ANP32E: variants seen among roughly 807,000 people sequenced by gnomAD.
ANP32E encodes acidic leucine-rich nuclear phosphoprotein 32 family member E.
ANP32E carries 14 observed loss-of-function variants against 35.3 expected under a neutral mutation model. The observed-to-expected ratio is 0.40, with a 90% confidence interval of 0.26 to 0.62. The LOEUF is 0.62. Ranked by LOEUF, ANP32E falls within the 20% of genes least tolerant of loss-of-function variation. ANP32E has a pLI of 0.45. For missense variants in ANP32E, 198 were observed against 304.4 expected (o/e 0.65, Z 2.60); for synonymous variants, 89 against 110.4 (o/e 0.81, Z 1.22).
chr1:150,226,877 A>G (rs1553840257), intron 4 of ANP32E, 82 bp from the exon 5 acceptor site: 7 of 1,491,726 alleles, frequency 4.7e-6, no homozygotes, highest in Non-Finnish European at 6.2e-6. Flanking sequence ...CCCTTGCCCA[A>G]TCACTTCAAA....
intron 1 of ANP32E, among the ~76,000 whole-genome samples, 154 bp from the exon 2 acceptor site, chr1:150,232,080 C>T (rs1442342098): frequency 6.6e-6 from 1 of 152,138 alleles, no homozygotes; most frequent in Non-Finnish European, 1.5e-5. Flanking sequence ...CGCGGTGGCT[C>T]ACGCCTGTAA....
Position 150,223,314 on chromosome 1 carries a change from A to C in ANP32E, c.682-74T>G, listed in dbSNP as rs1553838690. The C allele has an allele frequency of 3.4e-6, 5 of 1,482,816 alleles. No homozygotes were observed. In the Admixed American group the frequency reaches 1.0e-4, roughly 31 times the overall value. The allele number at this position is 1,482,816 out of a possible 1,614,324, so 91.9% of individuals were successfully genotyped here. ...TTCACTCTTTCTTGTAATATATTCC[A>C]ACAAGAGCAAAGAAACTATGGTTAT... On this transcript the variant is annotated intron_variant, in intron 5 of 6. Coordinates refer to ENST00000583931, the MANE Select transcript of ANP32E (RefSeq NM_030920.5).
chr1:150,227,505 C>A (rs1017117843), intron 4 of ANP32E, among the ~76,000 whole-genome samples: 8 of 151,886 alleles, frequency 5.3e-5, no homozygotes, highest in Non-Finnish European at 7.4e-5. Context: ...AAACAAAAAA[C>A]CAAATACTGC....
intron 1 of ANP32E, 65 bp from the exon 2 acceptor site, chr1:150,231,991 G>C: frequency 6.8e-7 from 1 of 1,463,256 alleles, no homozygotes; most frequent in Non-Finnish European, 9.3e-7. Flanking sequence ...AGAGACCTGG[G>C]TCTTGACACT....
At chr1:150,223,695 A>T (rs1424522408) in intron 5 of ANP32E, among the ~76,000 whole-genome samples, 1 of 145,678 alleles carries the variant, frequency 6.9e-6, no homozygotes, top group East Asian at 2.0e-4. Context: ...AAAAAAAAAA[A>T]AAAAAACCTA....
Position 150,235,975 on chromosome 1 carries a change from C to T in ANP32E, c.-189G>A. On this transcript the variant is annotated 5_prime_UTR_variant, in exon 1 of 7. Coordinates refer to ENST00000583931, the MANE Select transcript of ANP32E (RefSeq NM_030920.5). This position sits in a 1 kb window ranked among gnomAD's most constrained non-coding sequence, Gnocchi z 4.2. ...AGCAAATGGAGTCCAAGAGTTGGGA[C>T]TCTAACTCAGCTGCCCCCACCTCCT... 1 of 592,250 alleles carries T rather than the reference C, an allele frequency of 1.7e-6. No homozygotes were observed. The allele number at this position is 592,250 out of a possible 1,614,324, so 36.7% of individuals were successfully genotyped here.
At position 150,220,681 on chromosome 1, in the gene ANP32E, T is replaced by G. The variant is rs1452815761; in HGVS notation, c.*10A>C. The G allele has an allele frequency of 1.9e-6, 3 of 1,613,476 alleles. No homozygotes were observed. The highest frequency in any genetic ancestry group is 2.7e-5 in the African/African-American group (2 of 75,050). ...CCCAGAAACATTAGAGAATCTGGTC[T>G]TAGAATGATCTAGTCATCTTCTTCC... On this transcript the variant is annotated 3_prime_UTR_variant, in exon 7 of 7. Transcript: ENST00000583931.
At position 150,220,568 on chromosome 1, in the gene ANP32E, C is replaced by A; in HGVS notation, c.*123G>T. ...TGATAAGGCAAAAATAGTAAAACCACACTTTTCCTATAAAAAGTTACACAT... is the reference window on the plus strand; with the variant it reads ...TGATAAGGCAAAAATAGTAAAACCAAACTTTTCCTATAAAAAGTTACACAT... On this transcript the variant is annotated 3_prime_UTR_variant, in exon 7 of 7. Coordinates refer to ENST00000583931, the MANE Select transcript of ANP32E (RefSeq NM_030920.5). The A allele has an allele frequency of 1.1e-6, 1 of 909,788 alleles. No individual in the cohort carries two copies. The highest frequency in any genetic ancestry group is 2.2e-5 in the Admixed American group (1 of 45,236). The allele number at this position is 909,788 out of a possible 1,614,324, so 56.4% of individuals were successfully genotyped here.
rs782272035 is a variant in ANP32E at position 150,235,605 on chromosome 1, C to T, written c.54+128G>A. 1.8e-4 allele frequency: 176 copies of T among 993,470 alleles called. No individual in the cohort carries two copies. The highest frequency in any genetic ancestry group is 2.5e-4 in the Non-Finnish European group (165 of 670,210). 61.5% of individuals were successfully genotyped at this position (993,470 alleles called of 1,614,324 possible). ...TAAAACTTAAAATTAAACATTTCCC[C>T]AACCCTAACCCGGGGGGATGGGGGC... On this transcript the variant is annotated intron_variant, in intron 1 of 6. Transcript: ENST00000583931. This position sits in a 1 kb window ranked among gnomAD's most constrained non-coding sequence, Gnocchi z 4.2.
chr1:150,231,912 GACTA>G lies in ANP32E; in HGVS notation c.65_68del (p.Leu22SerfsTer15). ...CATTGACACACAGGCAATTATCAAG[GACTA>G]ACTCTGTCACCTGTAAGAGGGAAAA... is the stretch of plus-strand genomic sequence containing the variant. On this transcript the variant is annotated frameshift_variant, in exon 2 of 7. Transcript: ENST00000583931. LOFTEE classifies it high-confidence loss of function. The G allele has an allele frequency of 6.2e-7, 1 of 1,610,612 alleles. No homozygotes were observed. Among genetic ancestry groups the G allele is most frequent in the Non-Finnish European group, 8.5e-7 (1 of 1,179,216 alleles).
chr1:150,220,443 T>C lies in ANP32E; in HGVS notation c.*248A>G, dbSNP rs1220902496. 3 of 392,876 alleles carry C rather than the reference T, an allele frequency of 7.6e-6. No individual in the cohort carries two copies. The highest frequency in any genetic ancestry group is 1.4e-5 in the Non-Finnish European group (3 of 215,572). The allele number at this position is 392,876 out of a possible 1,614,324, so 24.3% of individuals were successfully genotyped here. On this transcript the variant is annotated 3_prime_UTR_variant, in exon 7 of 7. Coordinates refer to ENST00000583931, the MANE Select transcript of ANP32E (RefSeq NM_030920.5). ...ATACAGTAAGCTTGAATTTAAAAAA[T>C]TAAGTCTAAATAAATTGCTAGGGAA...
chr1:150,227,464 G>A (rs1648964093), intron 4 of ANP32E, among the ~76,000 whole-genome samples: 1 of 152,036 alleles, frequency 6.6e-6, no homozygotes, highest in Non-Finnish European at 1.5e-5. Context: ...AGATGCAGCT[G>A]GGGACCATCA....
At chr1:150,221,628 A>AGGAAGGAAGGAAGGAAGGAAGG (rs1572006000) in intron 6 of ANP32E, among the ~76,000 whole-genome samples, 15 of 150,022 alleles carry the variant, frequency 1.0e-4, no homozygotes, top group East Asian at 4.0e-4. Context: ...GAAGGAAGGA[A>AGGAAGGAAGGAAGGAAGGAAGG]ATTATACTTC....
At chr1:150,223,401 C>T in intron 5 of ANP32E, 161 bp from the exon 6 acceptor site, 1 of 957,306 alleles carries the variant, frequency 1.0e-6, no homozygotes, top group Non-Finnish European at 1.5e-6. Context: ...AACTAAAGGG[C>T]CGGGCGCGGT....
rs1648159400 is a variant in ANP32E at position 150,219,299 on chromosome 1, T to C, written c.*1392A>G. On this transcript the variant is annotated 3_prime_UTR_variant, in exon 7 of 7. Coordinates refer to ENST00000583931, the MANE Select transcript of ANP32E (RefSeq NM_030920.5). The stretch of plus-strand genomic sequence containing the variant: ...AGCCTCCATAGCAAAAGAGGAGATA[T>C]ACTTGTATACTCATTATATTTTATT... 6.7e-6 allele frequency: 1 copy of C among 149,880 alleles called. No individual in the cohort carries two copies. The highest frequency in any genetic ancestry group is 2.1e-4 in the South Asian group (1 of 4,834). The allele number at this position is 149,880 out of a possible 1,614,324, so 9.3% of individuals were successfully genotyped here.
At chr1:150,222,127 T>C (rs1260988822) in intron 6 of ANP32E, among the ~76,000 whole-genome samples, 1 of 149,060 alleles carries the variant, frequency 6.7e-6, no homozygotes, top group Non-Finnish European at 1.5e-5. Context: ...TAAAATAAAA[T>C]AAAATAAAAT....
In ANP32E at chr1:150,235,585, CTTAAAA is replaced by C; in HGVS notation, c.54+142_54+147del. ...AGTAGAAGATTTTAATGATTTAAAA[CTTAAAA>C]TTAAACATTTCCCCAACCCTAACCC... is the stretch of plus-strand genomic sequence containing the variant. On this transcript the variant is annotated intron_variant, in intron 1 of 6. Transcript: ENST00000583931. The surrounding 1 kb of genome is among the most constrained non-coding windows in gnomAD (Gnocchi z 4.2). 1 of 862,328 alleles carries C rather than the reference CTTAAAA, an allele frequency of 1.2e-6. No individual in the cohort carries two copies. Among genetic ancestry groups the C allele is most frequent in the South Asian group, 1.9e-5 (1 of 53,286 alleles). 53.4% of individuals were successfully genotyped at this position (862,328 alleles called of 1,614,324 possible). A position where few individuals can be genotyped will look rare whatever the true frequency, so the allele number is the denominator to read the frequency against.
Position 150,235,670 on chromosome 1 carries a change from C to T in ANP32E, c.54+63G>A. On this transcript the variant is annotated intron_variant, in intron 1 of 6. Transcript: ENST00000583931. The surrounding 1 kb of genome is among the most constrained non-coding windows in gnomAD (Gnocchi z 4.2). ...ATCCCCGCACACCCACCCAGGACCA[C>T]CAGAAATCCGATCCTCAGAATACTG... 6.2e-7 allele frequency: 1 copy of T among 1,607,750 alleles called. No individual in the cohort carries two copies. The highest frequency in any genetic ancestry group is 1.1e-5 in the South Asian group (1 of 90,328).
At chr1:150,221,466 AGGAAGAG>A (rs1553837858) in intron 6 of ANP32E, among the ~76,000 whole-genome samples, 9 of 108,046 alleles carry the variant, frequency 8.3e-5, no homozygotes, top group African/African-American at 5.3e-4. Context: ...AGGCTAAGAG[AGGAAGAG>A]AGGAAGAGAG....
Sources: gnomAD v4.1 joint callset for allele counts (sites outside exome capture counted in the v4.1 genomes callset) on GRCh38, gnomAD v4.1.1 for gene constraint, Gnocchi (gnomAD v3.1) non-coding constraint, MANE v1.5 for transcripts, NCBI Gene and HGNC (gene_info 2026-07-23, HGNC 2026-07-21) for gene names.